Variants in ARPC4 observed in about 807,000 individuals in gnomAD.
ARPC4 encodes actin related protein 2/3 complex subunit 4, also known as actin-related protein 2/3 complex subunit 4.
Under a neutral mutation model 22.8 loss-of-function variants are expected in ARPC4, and 3 were observed. The observed-to-expected ratio is 0.13, with a 90% CI of 0.06 to 0.34. ARPC4 has a LOEUF of 0.34. Ranked by LOEUF, ARPC4 falls within the 10% of genes least tolerant of loss-of-function variation. The pLI is 1.00. For synonymous variants in ARPC4, 80 were observed against 72.5 expected (o/e 1.10, Z -0.52); for missense variants, 98 against 211.0 (o/e 0.46, Z 3.32).
chr3:9,796,159 C>T (rs920672038), intron 1 of ARPC4, among the ~76,000 whole-genome samples: 12 of 152,046 alleles, frequency 7.9e-5, no homozygotes, highest in Non-Finnish European at 1.6e-4. Context: ...TTTGAGAGGC[C>T]GAGGTGGGCG....
intron 4 of ARPC4, among the ~76,000 whole-genome samples, chr3:9,803,212 A>G (rs2079049429): frequency 6.6e-6 from 1 of 152,198 alleles, no homozygotes; most frequent in Non-Finnish European, 1.5e-5. Flanking sequence ...AGCCACAGTT[A>G]ACATTGGGTC....
upstream of ARPC4, chr3:9,793,015 G>T (rs73113569): frequency 8.9e-4 from 1,362 of 1,528,906 alleles, 8 homozygotes; most frequent in African/African-American, 0.016. Flanking sequence ...AGATGGTACC[G>T]TCCGGAAGTC....
rs1466181632 is a variant in ARPC4 at position 9,806,513 on chromosome 3, T to G, written c.*298T>G. On this transcript the variant is annotated 3_prime_UTR_variant, in exon 6 of 6. Coordinates refer to ENST00000397261, the MANE Select transcript of ARPC4 (RefSeq NM_005718.5). ...TGCTTGTAGGATACTGTAACCTTTT[T>G]GTCTTTTTTTTTTTTTTTTTTTTTA... 2.0e-5 allele frequency: 9 copies of G among 461,282 alleles called. No individual in the cohort carries two copies. Among genetic ancestry groups the G allele is most frequent in the Middle Eastern group, 5.9e-4 (1 of 1,700 alleles). 28.6% of individuals were successfully genotyped at this position (461,282 alleles called of 1,614,324 possible).
At chr3:9,804,274 C>T in intron 5 of ARPC4, 1 of 377,344 alleles carries the variant, frequency 2.7e-6, no homozygotes, top group Non-Finnish European at 4.8e-6. Context: ...TCACTCATTT[C>T]TACATCTCAG....
At chr3:9,801,428 A>G (rs2079008565) in intron 3 of ARPC4, among the ~76,000 whole-genome samples, 1 of 152,192 alleles carries the variant, frequency 6.6e-6, no homozygotes, top group Middle Eastern at 3.4e-3. Context: ...GAAAGAAGCA[A>G]TAGAAGCCTG....
intron 5 of ARPC4, chr3:9,804,280 C>T: frequency 2.8e-6 from 1 of 360,470 alleles, no homozygotes; most frequent in Non-Finnish European, 5.1e-6. Flanking sequence ...ATTTCTACAT[C>T]TCAGGATGTT....
chr3:9,798,902 A>G lies in ARPC4; in HGVS notation c.122+1125A>G, dbSNP rs555137578. Among the ~76,000 whole-genome samples, 13 of 134,808 alleles carry G rather than the reference A, an allele frequency of 9.6e-5. No homozygotes were observed. In the South Asian group the frequency reaches 2.1e-3, roughly 22 times the overall value. The allele number at this position is 134,808 out of a possible 152,430, so 88.4% of individuals were successfully genotyped here. A position where few individuals can be genotyped will look rare whatever the true frequency, so the allele number is the denominator to read the frequency against. On this transcript the variant is annotated intron_variant, in intron 2 of 5. Coordinates refer to ENST00000397261, the MANE Select transcript of ARPC4 (RefSeq NM_005718.5). ...ATAAAATAAAATAAAATAAAATAAAATAAAATTCATTCTGGTACATACATA... is the reference window on the plus strand; with the variant it reads ...ATAAAATAAAATAAAATAAAATAAAGTAAAATTCATTCTGGTACATACATA...
chr3:9,800,307 C>T lies in ARPC4; in HGVS notation c.234+11C>T, dbSNP rs191583708. 2,176 of 1,613,686 alleles carry T rather than the reference C, an allele frequency of 1.3e-3. 24 individuals are homozygous for T. The African/African-American group carries it at 0.026, about 19-fold the overall frequency. On this transcript the variant is annotated intron_variant, in intron 3 of 5. Transcript: ENST00000397261. The stretch of plus-strand genomic sequence containing the variant: ...ATTGCTGTGAAACAGGTAAGTTCAC[C>T]ATGGAGGAGGCCCAACGTAAGGCCT...
intron 4 of ARPC4, among the ~76,000 whole-genome samples, chr3:9,803,054 T>G (rs545475120): frequency 1.3e-5 from 2 of 152,084 alleles, no homozygotes; most frequent in South Asian, 4.2e-4. Flanking sequence ...CGGCTAATTT[T>G]TTGTATTTTT....
At chr3:9,793,653 G>A (rs2078808956) in intron 1 of ARPC4, among the ~76,000 whole-genome samples, 1 of 152,188 alleles carries the variant, frequency 6.6e-6, no homozygotes, top group African/African-American at 2.4e-5. Flanking sequence ...GGCCCTTCCT[G>A]GTCAGAACTG....
chr3:9,803,339 G>A (rs1159284980), intron 4 of ARPC4, among the ~76,000 whole-genome samples: 3 of 152,186 alleles, frequency 2.0e-5, no homozygotes, highest in East Asian at 1.9e-4. Flanking sequence ...CATCAGACAC[G>A]TCAGGCGTGT....
upstream of ARPC4, chr3:9,792,523 G>A: frequency 1.6e-6 from 2 of 1,223,726 alleles, no homozygotes; most frequent in East Asian, 6.4e-5. Flanking sequence ...GAGTCAGCGA[G>A]GGCGAGCCTA....
chr3:9,792,539 G>A, upstream of ARPC4: 1 of 1,226,360 alleles, frequency 8.2e-7, no homozygotes, highest in Non-Finnish European at 1.0e-6. Context: ...GCCTACTGGA[G>A]TTTGCCGGGG....
intron 5 of ARPC4, 124 bp downstream of exon 5, chr3:9,804,137 C>T: frequency 9.2e-7 from 1 of 1,090,002 alleles, no homozygotes; most frequent in Non-Finnish European, 1.3e-6. Flanking sequence ...TCTCTAGGAC[C>T]CCTGGGGCAC....
At position 9,806,456 on chromosome 3, in the gene ARPC4, AT is replaced by A. The variant is rs199893649; in HGVS notation, c.*249del. On this transcript the variant is annotated 3_prime_UTR_variant, in exon 6 of 6. Transcript: ENST00000397261. ...TGTTCAGTCCCCTGGGCCGGGACAG[AT>A]TTTTTTTAACGTCTTGAAACTTAAA... is the stretch of plus-strand genomic sequence containing the variant. The A allele has an allele frequency of 5.2e-5, 28 of 540,460 alleles. No homozygotes were observed. Among genetic ancestry groups the A allele is most frequent in the South Asian group, 8.4e-5 (4 of 47,710 alleles). 33.5% of individuals were successfully genotyped at this position (540,460 alleles called of 1,614,324 possible).
intron 1 of ARPC4, 105 bp downstream of exon 1, chr3:9,793,229 G>A: frequency 4.1e-6 from 6 of 1,464,946 alleles, no homozygotes; most frequent in African/African-American, 1.4e-5. Flanking sequence ...GCCGAGGGAT[G>A]TCCGGGGGTT....
intron 4 of ARPC4, among the ~76,000 whole-genome samples, chr3:9,802,674 C>CTTTTTT: frequency 1.8e-5 from 1 of 56,362 alleles, no homozygotes; most frequent in Non-Finnish European, 4.0e-5. Flanking sequence ...CGCGCCTGGC[C>CTTTTTT]TTTTTTTTTC....
chr3:9,802,644 G>A (rs562922268), intron 4 of ARPC4, among the ~76,000 whole-genome samples: 2 of 146,980 alleles, frequency 1.4e-5, no homozygotes, highest in East Asian at 4.2e-4. Flanking sequence ...CAAAGTGCTG[G>A]GATTACAGGC....
At chr3:9,793,336 T>A (rs1244740859) in intron 1 of ARPC4, among the ~76,000 whole-genome samples, 1 of 152,210 alleles carries the variant, frequency 6.6e-6, no homozygotes, top group Admixed American at 6.5e-5. Context: ...GTGGGCCTTG[T>A]GGCTTCACGG....
Sources: allele counts gnomAD v4.1 joint callset (sites outside exome capture counted in the v4.1 genomes callset), GRCh38; gene constraint gnomAD v4.1.1; transcripts MANE v1.5; gene names NCBI Gene and HGNC (gene_info 2026-07-23, HGNC 2026-07-21).